HNRNPM: variants seen among roughly 807,000 people sequenced by gnomAD.
HNRNPM encodes the protein CEA receptor.
In HNRNPM, 11 loss-of-function variants were observed where a neutral mutation model predicts 73.1. The ratio of observed to expected loss-of-function variants is 0.15; its 90% CI spans 0.09 to 0.25. The LOEUF is 0.25. Ranked by LOEUF, HNRNPM falls within the 10% of genes least tolerant of loss-of-function variation. HNRNPM has a pLI of 1.00. For synonymous variants in HNRNPM, 407 were observed against 355.2 expected, an observed-to-expected ratio of 1.15 and a Z score of -1.64; for missense variants, 789 against 1,067.9, an observed-to-expected ratio of 0.74 and a Z score of 3.64.
At chr19:8,451,014 T>C (rs993069525) in intron 1 of HNRNPM, among the ~76,000 whole-genome samples, 2 of 151,914 alleles carry the variant, frequency 1.3e-5, no homozygotes, top group Non-Finnish European at 1.5e-5. Context: ...TCAAGCAATT[T>C]TCCTGCCTCA....
intron 2 of HNRNPM, among the ~76,000 whole-genome samples, chr19:8,457,816 C>T (rs941976936): frequency 9.9e-5 from 15 of 152,064 alleles, no homozygotes; most frequent in African/African-American, 2.9e-4. Context: ...AAATTTGTTG[C>T]GCATAAGTTT....
intron 7 of HNRNPM, among the ~76,000 whole-genome samples, chr19:8,467,260 T>C (rs567419575): frequency 2.0e-5 from 3 of 152,168 alleles, no homozygotes; most frequent in Non-Finnish European, 4.4e-5. Flanking sequence ...CAGAGAACCT[T>C]GATGCCACTG....
chr19:8,467,624 T>C (rs776098854), intron 8 of HNRNPM, 40 bp downstream of exon 8: 3 of 1,409,716 alleles, frequency 2.1e-6, no homozygotes, highest in Admixed American at 1.7e-5. Flanking sequence ...TACTCAAGTC[T>C]AGCAAAAACA....
intron 9 of HNRNPM, among the ~76,000 whole-genome samples, chr19:8,470,158 C>T (rs1009550594): frequency 3.9e-5 from 6 of 152,202 alleles, no homozygotes; most frequent in Non-Finnish European, 8.8e-5. Context: ...ATTTCGGAGG[C>T]TTGACTTCAA....
chr19:8,486,866 C>T (rs1971348784), intron 14 of HNRNPM, among the ~76,000 whole-genome samples, 158 bp from the exon 15 acceptor site: 1 of 152,202 alleles, frequency 6.6e-6, no homozygotes. Flanking sequence ...CCTTGTCCCA[C>T]ATGTATCTAT....
At chr19:8,446,647 C>T (rs888643526) in intron 1 of HNRNPM, among the ~76,000 whole-genome samples, 1 of 152,182 alleles carries the variant, frequency 6.6e-6, no homozygotes, top group African/African-American at 2.4e-5. Flanking sequence ...AAGCCATCCT[C>T]CTGCCTAGGC....
At chr19:8,445,666 C>T (rs1213715156) in intron 1 of HNRNPM, 1 of 152,398 alleles carries the variant, frequency 6.6e-6, no homozygotes, top group South Asian at 2.1e-4. Flanking sequence ...CCCCTTAGTC[C>T]CCGCGCGCCG....
Position 8,485,647 on chromosome 19 carries a change from G to C in HNRNPM, c.1219G>C (p.Gly407Arg). The C allele has an allele frequency of 6.2e-7, 1 of 1,607,368 alleles. No homozygotes were observed. Among genetic ancestry groups the C allele is most frequent in the Non-Finnish European group, 8.5e-7 (1 of 1,179,060 alleles). Reference protein sequence around the residue: ...SVPGIERMGPGIDRLGGAGME... With the variant: ...SVPGIERMGPRIDRLGGAGME... ...CCCTGGGATCGAGAGGATGGGTCCT[G>C]GCATTGACCGCCTCGGGGGTGCCGG... Residue 407 changes from glycine (G) to arginine (R), a missense_variant, in exon 14 of 16, where the codon GGC becomes CGC. Gly to Arg is a moderately radical substitution (Grantham distance 125, BLOSUM62 -2). Around this residue, in one of 4 missense-constraint regions of HNRNPM, gnomAD observed 604 missense variants for 744.0 expected, o/e 0.81. Transcript: ENST00000325495.
intron 15 of HNRNPM, 37 bp from the exon 16 acceptor site, chr19:8,488,654 G>T (rs1319623316): frequency 3.2e-6 from 5 of 1,586,238 alleles, no homozygotes; most frequent in Non-Finnish European, 1.7e-6. Flanking sequence ...AACAAAATCG[G>T]GACTGAGTGT....
intron 12 of HNRNPM, among the ~76,000 whole-genome samples, chr19:8,481,923 CTG>C (rs1475163058): frequency 6.6e-6 from 1 of 150,552 alleles, no homozygotes; most frequent in African/African-American, 2.4e-5. Flanking sequence ...TAAGAAGCAG[CTG>C]TGTGGGGTGC....
chr19:8,484,941 C>A (rs1971167702), intron 13 of HNRNPM, among the ~76,000 whole-genome samples: 2 of 152,104 alleles, frequency 1.3e-5, no homozygotes, highest in Admixed American at 6.6e-5. Flanking sequence ...CATCTTCTTT[C>A]CAAAGCCAGC....
rs1440292491 is a variant in HNRNPM, at chr19:8,445,010, G to C, written c.12G>C (p.Gly4=). 3 of 1,424,368 alleles carry C rather than the reference G, an allele frequency of 2.1e-6. No individual in the cohort carries two copies. Among genetic ancestry groups the C allele is most frequent in the African/African-American group, 3.0e-5 (2 of 66,732 alleles). The allele number at this position is 1,424,368 out of a possible 1,614,324, so 88.2% of individuals were successfully genotyped here. MAA[G]VEAAAEVAAT... ...CAGACGCGGAGAAAATGGCGGCAGGGGTCGAAGCGGCGGCGGAGGTGGCGG... is the reference window on the plus strand; with the variant it reads ...CAGACGCGGAGAAAATGGCGGCAGGCGTCGAAGCGGCGGCGGAGGTGGCGG... Residue 4 remains glycine (G), a synonymous_variant, in exon 1 of 16, where the codon GGG becomes GGC. Transcript: ENST00000325495.
In HNRNPM at chr19:8,486,168, CCTGGAGCGCATGGGT is replaced by C. The variant is rs763156921; in HGVS notation, c.1741_1755del (p.Leu581_Gly585del). On this transcript the variant is annotated inframe_deletion, in exon 14 of 16. Transcript: ENST00000325495. ...GCGCCAACAGCCTCGAGCGCATGGG[CCTGGAGCGCATGGGT>C]GCCAACAGCCTCGAGCGCATGGGCC... is the stretch of plus-strand genomic sequence containing the variant. 6 of 1,606,436 alleles carry C rather than the reference CCTGGAGCGCATGGGT, an allele frequency of 3.7e-6. No individual in the cohort carries two copies. The East Asian group carries it at 8.9e-5, about 24-fold the overall frequency.
intron 3 of HNRNPM, 114 bp from the exon 4 acceptor site, chr19:8,463,383 T>C: frequency 8.3e-7 from 1 of 1,206,484 alleles, no homozygotes; most frequent in Non-Finnish European, 1.2e-6. Context: ...AGACTAACTT[T>C]GTGACATAAA....
intron 9 of HNRNPM, among the ~76,000 whole-genome samples, chr19:8,470,563 C>T (rs564524111): frequency 3.9e-5 from 6 of 152,140 alleles, no homozygotes; most frequent in African/African-American, 7.2e-5. Context: ...CCTGACCTCA[C>T]GTGATCCACC....
Position 8,462,422 on chromosome 19 carries a change from T to TA in HNRNPM, c.284-106dup. The stretch of plus-strand genomic sequence containing the variant: ...AATATGGAGTGTTTCTGGGCTTTCT[T>TA]ATAAGGCAGAGGCTCCATACAAGGT... On this transcript the variant is annotated intron_variant, in intron 2 of 15. Coordinates refer to ENST00000325495, the MANE Select transcript of HNRNPM (RefSeq NM_005968.5). The surrounding 1 kb of genome is among the most constrained non-coding windows in gnomAD (Gnocchi z 4.5). The TA allele has an allele frequency of 1.1e-6, 1 of 932,846 alleles. No individual in the cohort carries two copies. 57.8% of individuals were successfully genotyped at this position (932,846 alleles called of 1,614,324 possible).
chr19:8,450,817 C>T (rs112447628), intron 1 of HNRNPM, among the ~76,000 whole-genome samples: 2 of 150,626 alleles, frequency 1.3e-5, no homozygotes, highest in Non-Finnish European at 3.0e-5. Flanking sequence ...CTCCGCCTCC[C>T]GTTCAAGTGA....
At chr19:8,488,528 A>G in intron 15 of HNRNPM, 163 bp from the exon 16 acceptor site, 1 of 553,380 alleles carries the variant, frequency 1.8e-6, no homozygotes, top group East Asian at 2.9e-5. Context: ...CTCTGTTAGC[A>G]GAAGAATGGC....
intron 13 of HNRNPM, among the ~76,000 whole-genome samples, chr19:8,484,279 C>T (rs573780996): frequency 3.3e-5 from 5 of 151,116 alleles, no homozygotes; most frequent in African/African-American, 7.3e-5. Flanking sequence ...TGGGTTCAAG[C>T]GATTCTCCTG....
Sources: allele counts gnomAD v4.1 joint callset (sites outside exome capture counted in the v4.1 genomes callset), GRCh38; gene constraint gnomAD v4.1.1; regional missense constraint gnomAD v4.1.1; non-coding constraint Gnocchi (gnomAD v3.1); transcripts MANE v1.5; gene names NCBI Gene and HGNC (gene_info 2026-07-23, HGNC 2026-07-21).